The following DNAJC15 variants were observed in gnomAD, a reference collection of about 807,000 sequenced individuals.
The protein encoded by DNAJC15 is dnaJ homolog subfamily C member 15.
A neutral mutation model predicts 22.4 loss-of-function variants in DNAJC15; 27 were observed. The observed-to-expected ratio is 1.20, with a 90% confidence interval of 0.89 to 1.66. The LOEUF is 1.66. Ranked by LOEUF, DNAJC15 falls within the 40% of genes most tolerant of loss-of-function variation. The probability of loss-of-function intolerance (pLI) is 0.00; values close to 1 mark genes in which losing one functional copy is unlikely to be tolerated. For missense variants in DNAJC15, 208 were observed against 187.1 expected, an observed-to-expected ratio of 1.11 and a Z score of -0.65; for synonymous variants, 79 against 63.2, an observed-to-expected ratio of 1.25 and a Z score of -1.19.
intron 1 of DNAJC15, among the ~76,000 whole-genome samples, chr13:43,042,145 A>T (rs1377965534): frequency 6.6e-6 from 1 of 152,210 alleles, no homozygotes; most frequent in African/African-American, 2.4e-5. Flanking sequence ...CAGATACAGT[A>T]TTGTTTTCCT....
chr13:43,046,849 TCCA>T (rs1417006718), intron 1 of DNAJC15, among the ~76,000 whole-genome samples: 1 of 152,184 alleles, frequency 6.6e-6, no homozygotes, highest in Non-Finnish European at 1.5e-5. Context: ...CAGCAGGGTG[TCCA>T]CTGCGTTTCT....
At chr13:43,061,729 C>A (rs1347476676) in intron 1 of DNAJC15, among the ~76,000 whole-genome samples, 1 of 152,258 alleles carries the variant, frequency 6.6e-6, no homozygotes, top group Admixed American at 6.5e-5. Flanking sequence ...TCACTTATCA[C>A]CAAGGGAATG....
chr13:43,083,400 C>G (rs1414011540), intron 4 of DNAJC15, among the ~76,000 whole-genome samples: 1 of 152,162 alleles, frequency 6.6e-6, no homozygotes, highest in East Asian at 1.9e-4. Flanking sequence ...ATCTCCTGAC[C>G]TTGTGATCTG....
At chr13:43,064,714 C>T (rs2040575074) in intron 1 of DNAJC15, among the ~76,000 whole-genome samples, 2 of 152,106 alleles carry the variant, frequency 1.3e-5, no homozygotes, top group Non-Finnish European at 2.9e-5. Flanking sequence ...TCATCTGGAA[C>T]CAATGTCTTT....
chr13:43,069,769 A>G (rs533591395), intron 3 of DNAJC15, among the ~76,000 whole-genome samples: 101 of 152,318 alleles, frequency 6.6e-4, no homozygotes, highest in African/African-American at 2.4e-3. Context: ...CTATTCTGCT[A>G]TTCTGAGTTC....
Position 43,107,178 on chromosome 13 carries a change from G to A in DNAJC15, c.383G>A (p.Gly128Asp), listed in dbSNP as rs1157731504. The change falls in exon 6 of 6, where the codon GGT (glycine) becomes GAT (aspartate). Residue 128 changes from glycine to aspartate, a missense_variant and splice_region_variant. Physicochemically the swap from Gly to Asp is moderately conservative, Grantham distance 94. Transcript: ENST00000379221. ...AATTCATTTTTCTTTGTTCTCTCAG[G>A]TGGATCTCCTTACGTAGCAGCCAAA... ...RVMILNHPDK[G>D]GSPYVAAKIN... 3 of 1,566,516 alleles carry A rather than the reference G, an allele frequency of 1.9e-6. No individual in the cohort carries two copies. The highest frequency in any genetic ancestry group is 2.3e-5 in the East Asian group (1 of 42,668).
chr13:43,075,404 CTT>C (rs1443996833), intron 3 of DNAJC15, among the ~76,000 whole-genome samples: 1 of 152,064 alleles, frequency 6.6e-6, no homozygotes, highest in Non-Finnish European at 1.5e-5. Flanking sequence ...ATAAATTTAT[CTT>C]TTTTATTATG....
rs749069433 is a variant in DNAJC15, at chr13:43,023,637, G to A, written c.11G>A (p.Arg4His). MAA[R>H]GVIAPVGESL... is the part of the protein sequence containing the mutation. ...CCGGGCCGCCTTGCCATGGCTGCCC[G>A]TGGTGTCATCGCTCCAGTTGGCGAG... Residue 4 changes from arginine (R) to histidine (H), a missense_variant, in exon 1 of 6, where the codon CGT (arginine) becomes CAT (histidine). By Grantham distance (29) the Arg-to-His change is conservative. Transcript: ENST00000379221. 2 of 1,611,122 alleles carry A rather than the reference G, an allele frequency of 1.2e-6. No homozygotes were observed. Among genetic ancestry groups the A allele is most frequent in the Non-Finnish European group, 1.7e-6 (2 of 1,178,880 alleles).
Position 43,078,757 on chromosome 13 carries a change from C to T in DNAJC15, c.311+69C>T, listed in dbSNP as rs1194620261. 3.5e-6 allele frequency: 5 copies of T among 1,426,316 alleles called. No individual in the cohort carries two copies. The African/African-American group carries it at 7.0e-5, about 20-fold the overall frequency. The allele number at this position is 1,426,316 out of a possible 1,614,324, so 88.4% of individuals were successfully genotyped here. ...TGTCTTTAAAAAAGAGAAAACGTTA[C>T]AATAAGGTTATACTTAGACTTAAAA... On this transcript the variant is annotated intron_variant, in intron 4 of 5. Coordinates refer to ENST00000379221, the MANE Select transcript of DNAJC15 (RefSeq NM_013238.3).
intron 1 of DNAJC15, among the ~76,000 whole-genome samples, chr13:43,043,584 T>C (rs1431900881): frequency 6.6e-6 from 1 of 152,244 alleles, no homozygotes; most frequent in African/African-American, 2.4e-5. Context: ...AGTGAAGATT[T>C]AACTTTGAGG....
chr13:43,049,460 G>C (rs115499555), intron 1 of DNAJC15, among the ~76,000 whole-genome samples: 1 of 152,182 alleles, frequency 6.6e-6, no homozygotes, highest in South Asian at 2.1e-4. Flanking sequence ...ACGAGAAATA[G>C]CATAGTGATG....
At chr13:43,036,484 C>A (rs1276842209) in intron 1 of DNAJC15, among the ~76,000 whole-genome samples, 2 of 152,088 alleles carry the variant, frequency 1.3e-5, no homozygotes, top group Non-Finnish European at 2.9e-5. Context: ...ATGGGCAGGC[C>A]TGGAAAAAGC....
intron 5 of DNAJC15, among the ~76,000 whole-genome samples, chr13:43,101,766 ATTTC>A (rs2040770243): frequency 6.6e-6 from 1 of 152,094 alleles, no homozygotes; most frequent in South Asian, 2.1e-4. Context: ...CCATTATTTT[ATTTC>A]TTTTTATGGC....
At chr13:43,078,569 A>C (rs2040646466) in intron 3 of DNAJC15, 43 bp from the exon 4 acceptor site, 1 of 1,560,308 alleles carries the variant, frequency 6.4e-7, no homozygotes, top group South Asian at 1.1e-5. Context: ...ATGCCACCTC[A>C]TACGTGGAAC....
At chr13:43,096,025 CTT>C (rs374069728) in intron 5 of DNAJC15, among the ~76,000 whole-genome samples, 4 of 147,412 alleles carry the variant, frequency 2.7e-5, no homozygotes, top group Non-Finnish European at 6.0e-5. Flanking sequence ...TTGCTTTTTA[CTT>C]TTTTTTTTAA....
intron 1 of DNAJC15, among the ~76,000 whole-genome samples, chr13:43,055,014 C>T (rs1382121714): frequency 6.6e-6 from 1 of 151,132 alleles, no homozygotes; most frequent in African/African-American, 2.4e-5. Flanking sequence ...AAACAGTGGG[C>T]CTTAATAAGC....
intron 1 of DNAJC15, among the ~76,000 whole-genome samples, chr13:43,047,004 A>G (rs1392107754): frequency 1.3e-5 from 2 of 152,166 alleles, no homozygotes; most frequent in African/African-American, 2.4e-5. Context: ...TCTAATAGCT[A>G]TAATACTCAC....
chr13:43,107,115 T>C, intron 5 of DNAJC15, 63 bp from the exon 6 acceptor site: 1 of 1,303,466 alleles, frequency 7.7e-7, no homozygotes, highest in Non-Finnish European at 1.0e-6. Context: ...TTTTATATTT[T>C]GGGGACTTTA....
rs537602386 is a variant in DNAJC15, at chr13:43,101,247, C to T, written c.383-5931C>T. On this transcript the variant is annotated intron_variant, in intron 5 of 5. Coordinates refer to ENST00000379221, the MANE Select transcript of DNAJC15 (RefSeq NM_013238.3). ...CTTGCTATATTGCTCAGGCTAGCCT[C>T]AAACTCCTGGGCTCAAGTGATCCTC... Among the ~76,000 whole-genome samples the T allele has an allele frequency of 4.6e-5, 7 of 152,290 alleles. No individual in the cohort carries two copies. The South Asian group carries it at 1.2e-3, about 27-fold the overall frequency.
Sources: allele counts gnomAD v4.1 joint callset (sites outside exome capture counted in the v4.1 genomes callset), GRCh38; gene constraint gnomAD v4.1.1; transcripts MANE v1.5; gene names NCBI Gene and HGNC (gene_info 2026-07-23, HGNC 2026-07-21).